GTF2H5: variants seen among roughly 807,000 people sequenced by gnomAD.
The protein encoded by GTF2H5 is TFB5 ortholog.
GTF2H5 carries 5 observed loss-of-function variants against 7.1 expected under a neutral mutation model. The observed-to-expected ratio is 0.71, with a 90% CI of 0.37 to 1.49. The LOEUF (loss-of-function observed/expected upper bound fraction) is 1.49, where lower values mean the gene tolerates loss of function less well. Ranked by LOEUF, GTF2H5 falls within the 40% of genes most tolerant of loss-of-function variation. The pLI is 0.03. For synonymous variants in GTF2H5, 30 were observed against 31.7 expected (o/e 0.95, Z 0.18); for missense variants, 80 against 83.0 (o/e 0.96, Z 0.14).
intron 2 of GTF2H5, among the ~76,000 whole-genome samples, chr6:158,184,516 C>CT (rs1024117847): frequency 2.8e-4 from 43 of 152,236 alleles, no homozygotes; most frequent in African/African-American, 1.0e-3. Context: ...TGTCTCTTCT[C>CT]TTAAGACCCT....
chr6:158,168,724 C>G (rs1020678317), intron 1 of GTF2H5, among the ~76,000 whole-genome samples: 1 of 152,240 alleles, frequency 6.6e-6, no homozygotes, highest in Non-Finnish European at 1.5e-5. Context: ...GGCACAAGAT[C>G]TGGAGATCTG....
intron 1 of GTF2H5, among the ~76,000 whole-genome samples, chr6:158,169,564 A>ATATATTGTATATTACATATG (rs1562468627): frequency 4.3e-5 from 3 of 70,342 alleles, no homozygotes; most frequent in Admixed American, 2.5e-4. Flanking sequence ...TATTATATAT[A>ATATATTGTATATTACATATG]ATATATTGTA....
At position 158,199,016 on chromosome 6, in the gene GTF2H5, A is replaced by C. The variant is rs1777154990; in HGVS notation, c.*6859A>C. ...TGTTTGTTTTCTTCAGAAATTTGTT[A>C]ATTCTCCATGATTAGCACCTTTATG... On this transcript the variant is annotated 3_prime_UTR_variant, in exon 3 of 3. Transcript: ENST00000607778. The C allele has an allele frequency of 6.6e-6, 1 of 152,188 alleles. No individual in the cohort carries two copies. Among genetic ancestry groups the C allele is most frequent in the Non-Finnish European group, 1.5e-5 (1 of 68,004 alleles). The allele number at this position is 152,188 out of a possible 1,614,324, so 9.4% of individuals were successfully genotyped here. A position where few individuals can be genotyped will look rare whatever the true frequency, so the allele number is the denominator to read the frequency against.
chr6:158,177,227 A>T (rs1331898256), intron 2 of GTF2H5, among the ~76,000 whole-genome samples: 1 of 152,232 alleles, frequency 6.6e-6, no homozygotes, highest in Non-Finnish European at 1.5e-5. Context: ...TGCTCATTTG[A>T]GTACCTACTA....
At chr6:158,169,599 TAC>T (rs1352718470) in intron 1 of GTF2H5, among the ~76,000 whole-genome samples, 31 of 67,672 alleles carry the variant, frequency 4.6e-4, no homozygotes, top group South Asian at 1.6e-3. Flanking sequence ...TATTGTATAT[TAC>T]ATATATTGTA....
At chr6:158,169,508 T>TAATATACA (rs1562468434) in intron 1 of GTF2H5, among the ~76,000 whole-genome samples, 3,867 of 67,124 alleles carry the variant, frequency 0.058, 521 homozygotes, top group Middle Eastern at 0.078. Flanking sequence ...TATAATATAT[T>TAATATACA]GTATATTATA....
rs1777080302 is a variant in GTF2H5, at chr6:158,194,634, T to C, written c.*2477T>C. On this transcript the variant is annotated 3_prime_UTR_variant, in exon 3 of 3. Coordinates refer to ENST00000607778, the MANE Select transcript of GTF2H5 (RefSeq NM_207118.3). ...GAGTTAATTGGACTCTTTGATATGT[T>C]GAGAGTCAGCTTACACAAGTTAACT... The C allele has an allele frequency of 6.6e-6, 1 of 152,136 alleles. No individual in the cohort carries two copies. Among genetic ancestry groups the C allele is most frequent in the African/African-American group, 2.4e-5 (1 of 41,420 alleles). 9.4% of individuals were successfully genotyped at this position (152,136 alleles called of 1,614,324 possible).
chr6:158,175,044 G>GTGTGTGTATGTGTGTGTGTGTGTGTA, intron 2 of GTF2H5, among the ~76,000 whole-genome samples: 1 of 142,794 alleles, frequency 7.0e-6, no homozygotes, highest in African/African-American at 2.7e-5. Context: ...GTGTGTGTGT[G>GTGTGTGTATGTGTGTGTGTGTGTGTA]TATACACACA....
chr6:158,184,920 GAGA>G (rs1776887258), intron 2 of GTF2H5, among the ~76,000 whole-genome samples: 1 of 152,104 alleles, frequency 6.6e-6, no homozygotes, highest in Non-Finnish European at 1.5e-5. Context: ...GCTTCTTTAG[GAGA>G]AGGTTTCATG....
chr6:158,181,540 C>A (rs1263191340), intron 2 of GTF2H5, among the ~76,000 whole-genome samples: 1 of 152,100 alleles, frequency 6.6e-6, no homozygotes, highest in African/African-American at 2.4e-5. Context: ...ACTTGCTTTA[C>A]GAATCTGGGT....
chr6:158,173,494 C>T (rs1010165033), intron 2 of GTF2H5, among the ~76,000 whole-genome samples: 4 of 152,136 alleles, frequency 2.6e-5, no homozygotes, highest in Admixed American at 1.3e-4. Context: ...AAGGAGAAGC[C>T]TGTTAATAAT....
intron 1 of GTF2H5, 28 bp from the exon 2 acceptor site, chr6:158,170,442 T>G: frequency 7.5e-7 from 1 of 1,341,876 alleles, no homozygotes; most frequent in Non-Finnish European, 1.1e-6. Context: ...TGATTTTTAA[T>G]TTAATGTTAC....
Position 158,196,085 on chromosome 6 carries a change from T to A in GTF2H5, c.*3928T>A, listed in dbSNP as rs1057201041. 6.6e-6 allele frequency: 1 copy of A among 151,956 alleles called. No individual in the cohort carries two copies. The highest frequency in any genetic ancestry group is 1.5e-5 in the Non-Finnish European group (1 of 68,006). The allele number at this position is 151,956 out of a possible 1,614,324, so 9.4% of individuals were successfully genotyped here. ...TCACAAGGTCAGGAGATCAAAACAA[T>A]CCTGGCTAACAAGGTGAAACCCCGT... On this transcript the variant is annotated 3_prime_UTR_variant, in exon 3 of 3. Transcript: ENST00000607778.
At position 158,195,414 on chromosome 6, in the gene GTF2H5, T is replaced by A. The variant is rs960832723; in HGVS notation, c.*3257T>A. 4 of 152,222 alleles carry A rather than the reference T, an allele frequency of 2.6e-5. No individual in the cohort carries two copies. Among genetic ancestry groups the A allele is most frequent in the African/African-American group, 9.6e-5 (4 of 41,458 alleles). 9.4% of individuals were successfully genotyped at this position (152,222 alleles called of 1,614,324 possible). A position where few individuals can be genotyped will look rare whatever the true frequency, so the allele number is the denominator to read the frequency against. ...CTTAATTCCTTGAATTCCAATTTCC[T>A]TGTGAAATTTCATGTGATTAATTTA... On this transcript the variant is annotated 3_prime_UTR_variant, in exon 3 of 3. Coordinates refer to ENST00000607778, the MANE Select transcript of GTF2H5 (RefSeq NM_207118.3).
At position 158,195,135 on chromosome 6, in the gene GTF2H5, T is replaced by G. The variant is rs1343102266; in HGVS notation, c.*2978T>G. ...CTGTTGGTGCTTGGCACCAAGAAAT[T>G]TATGACTTTTTTTTTTTTTTTAAAT... On this transcript the variant is annotated 3_prime_UTR_variant, in exon 3 of 3. Coordinates refer to ENST00000607778, the MANE Select transcript of GTF2H5 (RefSeq NM_207118.3). 2 of 150,906 alleles carry G rather than the reference T, an allele frequency of 1.3e-5. No individual in the cohort carries two copies. The highest frequency in any genetic ancestry group is 3.9e-4 in the East Asian group (2 of 5,188). 9.3% of individuals were successfully genotyped at this position (150,906 alleles called of 1,614,324 possible). A position where few individuals can be genotyped will look rare whatever the true frequency, so the allele number is the denominator to read the frequency against.
rs746580656 is a variant in GTF2H5, at chr6:158,196,882, C to A, written c.*4725C>A. On this transcript the variant is annotated 3_prime_UTR_variant, in exon 3 of 3. Coordinates refer to ENST00000607778, the MANE Select transcript of GTF2H5 (RefSeq NM_207118.3). ...CATTCATGCCCTACTTGAAGAGGAC[C>A]AATGATTAACAGCAGAAACGATAGC... 2 of 152,176 alleles carry A rather than the reference C, an allele frequency of 1.3e-5. No individual in the cohort carries two copies. The highest frequency in any genetic ancestry group is 6.5e-5 in the Admixed American group (1 of 15,276). The allele number at this position is 152,176 out of a possible 1,614,324, so 9.4% of individuals were successfully genotyped here. A position where few individuals can be genotyped will look rare whatever the true frequency, so the allele number is the denominator to read the frequency against.
At chr6:158,183,960 G>C (rs1786043441) in intron 2 of GTF2H5, among the ~76,000 whole-genome samples, 1 of 152,188 alleles carries the variant, frequency 6.6e-6, no homozygotes, top group African/African-American at 2.4e-5. Flanking sequence ...AGTTGGAAAT[G>C]CAGAAATCAC....
At chr6:158,189,200 T>A (rs1665788836) in intron 2 of GTF2H5, among the ~76,000 whole-genome samples, 2 of 152,044 alleles carry the variant, frequency 1.3e-5, no homozygotes, top group South Asian at 4.1e-4. Flanking sequence ...GGAAACAGGA[T>A]CAGTACCTTG....
chr6:158,169,430 TTGTATATTA>T (rs1785729305), intron 1 of GTF2H5, among the ~76,000 whole-genome samples: 1 of 62,276 alleles, frequency 1.6e-5, no homozygotes, highest in South Asian at 4.2e-4. Flanking sequence ...ATATAATATA[TTGTATATTA>T]TATATATTAT....
Sources: gnomAD v4.1 joint callset for allele counts (sites outside exome capture counted in the v4.1 genomes callset) on GRCh38, gnomAD v4.1.1 for gene constraint, MANE v1.5 for transcripts, NCBI Gene and HGNC (gene_info 2026-07-23, HGNC 2026-07-21) for gene names.